Variants in AKAP13 observed in about 807,000 individuals in gnomAD.
AKAP13 encodes A-kinase anchoring protein 13, also known as A-kinase anchor protein 13.
A neutral mutation model predicts 264.5 loss-of-function variants in AKAP13; 80 were observed. That is an observed-to-expected ratio of 0.30 (90% confidence interval 0.25 to 0.36). The LOEUF (loss-of-function observed/expected upper bound fraction) is 0.36, where lower values mean the gene tolerates loss of function less well. Among genes scored for constraint, AKAP13 ranks in the 10% least tolerant of loss-of-function variants. The pLI is 1.00. For missense variants in AKAP13, 3,712 were observed against 3,435.2 expected, an observed-to-expected ratio of 1.08 and a Z score of -2.01; for synonymous variants, 1,380 against 1,250.2, an observed-to-expected ratio of 1.10 and a Z score of -2.19.
chr15:85,662,309 G>C, intron 12 of AKAP13: 1 of 1,487,278 alleles, frequency 6.7e-7, no homozygotes, highest in Non-Finnish European at 9.4e-7. Flanking sequence ...TATGCCCTTC[G>C]TTTTTAAACC....
chr15:85,562,574 AATAT>A (rs1224541443), intron 5 of AKAP13, among the ~76,000 whole-genome samples: 72 of 77,610 alleles, frequency 9.3e-4, no homozygotes, highest in Middle Eastern at 8.1e-3. Flanking sequence ...CAAAAAAAAA[AATAT>A]ATATATATAT....
chr15:85,580,008 G>T lies in AKAP13; in HGVS notation c.1940G>T (p.Gly647Val). The change falls in exon 7 of 37, where the codon GGC becomes GTC. Residue 647 changes from glycine to valine, a missense_variant. Transcript: ENST00000394518. Reference sequence around the variant, plus strand: ...TCATCTCATGCTCAAAGCCAAAAGGGCAAATCCTCACCCATTTGTTCTACA... The same window carrying T: ...TCATCTCATGCTCAAAGCCAAAAGGTCAAATCCTCACCCATTTGTTCTACA... ...TNSSHAQSQK[G>V]KSSPICSTTG... 2 of 1,614,148 alleles carry T rather than the reference G, an allele frequency of 1.2e-6. No individual in the cohort carries two copies. Among genetic ancestry groups the T allele is most frequent in the Non-Finnish European group, 1.7e-6 (2 of 1,180,006 alleles).
At chr15:85,521,670 G>A in intron 3 of AKAP13, 95 bp downstream of exon 3, 3 of 1,350,974 alleles carry the variant, frequency 2.2e-6, no homozygotes, top group Non-Finnish European at 3.0e-6. Flanking sequence ...AGAGTGAAGT[G>A]TAGACAGTAT....
intron 13 of AKAP13, among the ~76,000 whole-genome samples, chr15:85,666,675 A>G (rs1438695810): frequency 1.3e-5 from 2 of 152,068 alleles, no homozygotes; most frequent in African/African-American, 2.4e-5. Flanking sequence ...CAGTCTCCCA[A>G]AGTGCTGGCA....
chr15:85,617,614 G>A (rs151003392), intron 8 of AKAP13, among the ~76,000 whole-genome samples: 1 of 152,214 alleles, frequency 6.6e-6, no homozygotes, highest in African/African-American at 2.4e-5. Flanking sequence ...CTTGGAAGCA[G>A]GAATCATTTG....
chr15:85,561,066 T>C (rs896271294), intron 5 of AKAP13, among the ~76,000 whole-genome samples: 1 of 150,828 alleles, frequency 6.6e-6, no homozygotes, highest in Non-Finnish European at 1.5e-5. Context: ...TTTTTTTTTT[T>C]TTTTTTTTTT....
At chr15:85,434,056 T>A (rs1167031412) in intron 1 of AKAP13, among the ~76,000 whole-genome samples, 3 of 150,676 alleles carry the variant, frequency 2.0e-5, no homozygotes, top group Non-Finnish European at 3.0e-5. Flanking sequence ...CATTTCCATC[T>A]GAGGTACCAG....
chr15:85,721,943 A>T (rs746392895), intron 23 of AKAP13, 48 bp from the exon 24 acceptor site: 1 of 1,607,614 alleles, frequency 6.2e-7, no homozygotes, highest in Non-Finnish European at 8.5e-7. Context: ...AAATGGTATT[A>T]TGAGTTTGGC....
chr15:85,675,686 T>C (rs2084188296), intron 14 of AKAP13, among the ~76,000 whole-genome samples: 1 of 152,104 alleles, frequency 6.6e-6, no homozygotes, highest in African/African-American at 2.4e-5. Flanking sequence ...CTGACAGACC[T>C]AAGGGGTCAG....
chr15:85,650,791 C>CA (rs1191739643), intron 10 of AKAP13, among the ~76,000 whole-genome samples: 10 of 65,158 alleles, frequency 1.5e-4, no homozygotes, highest in Non-Finnish European at 2.1e-4. Flanking sequence ...AAAAAAAAAA[C>CA]AACAAAAACT....
chr15:85,543,735 T>C (rs1160871919), intron 4 of AKAP13, 37 bp from the exon 5 acceptor site: 1 of 1,559,506 alleles, frequency 6.4e-7, no homozygotes, highest in East Asian at 2.3e-5. Context: ...GTTTTTATAT[T>C]TTCCTCACTT....
At chr15:85,435,156 G>A (rs1364467114) in intron 1 of AKAP13, among the ~76,000 whole-genome samples, 2 of 141,722 alleles carry the variant, frequency 1.4e-5, no homozygotes, top group Middle Eastern at 3.6e-3. Flanking sequence ...ACCAAGGCTC[G>A]AGAACTACGT....
chr15:85,480,863 T>A (rs2075331010), intron 1 of AKAP13: 1 of 152,154 alleles, frequency 6.6e-6, no homozygotes, highest in Non-Finnish European at 1.5e-5. Context: ...AATTTTTGTA[T>A]TTTTTGTAGG....
intron 1 of AKAP13, among the ~76,000 whole-genome samples, chr15:85,481,266 T>C (rs997783780): frequency 2.0e-5 from 3 of 152,200 alleles, no homozygotes; most frequent in Non-Finnish European, 4.4e-5. Context: ...TTGTAAACTT[T>C]GCACACCCAG....
rs1203229108 is a variant in AKAP13 at position 85,708,480 on chromosome 15, G to C, written c.5532+394G>C. On this transcript the variant is annotated intron_variant, in intron 18 of 36. Transcript: ENST00000394518. The surrounding 1 kb of genome is among the most constrained non-coding windows in gnomAD (Gnocchi z 4.3). ...AGGTGGAGGTCAGGGGCATTGACCTGCTGGTGGGGGTGGGGAGGGTGTTAT... is the reference window on the plus strand; with the variant it reads ...AGGTGGAGGTCAGGGGCATTGACCTCCTGGTGGGGGTGGGGAGGGTGTTAT... 6.6e-6 allele frequency among the ~76,000 whole-genome samples: 1 copy of C among 152,152 alleles called. No homozygotes were observed. Among genetic ancestry groups the C allele is most frequent in the Non-Finnish European group, 1.5e-5 (1 of 68,040 alleles).
Position 85,579,230 on chromosome 15 carries a change from A to T in AKAP13, c.1162A>T (p.Ile388Phe), listed in dbSNP as rs767973733. Residue 388 changes from isoleucine to phenylalanine, a missense_variant, in exon 7 of 37, where the codon ATT becomes TTT. Ile to Phe is a conservative substitution (Grantham distance 21). Coordinates refer to ENST00000394518, the MANE Select transcript of AKAP13 (RefSeq NM_007200.5). ...RKGEEVEPAPIVDSGTVSDQD... is the reference protein window; with the variant it reads ...RKGEEVEPAPFVDSGTVSDQD... ...AGGGGAAGAGGTGGAGCCAGCACCTATTGTGGACTCTGGAACTGTATCTGA... is the reference window on the plus strand; with the variant it reads ...AGGGGAAGAGGTGGAGCCAGCACCTTTTGTGGACTCTGGAACTGTATCTGA... 1 of 1,614,216 alleles carries T rather than the reference A, an allele frequency of 6.2e-7. No individual in the cohort carries two copies. The highest frequency in any genetic ancestry group is 1.1e-5 in the South Asian group (1 of 91,088).
At chr15:85,629,121 C>A (rs1013046226) in intron 8 of AKAP13, among the ~76,000 whole-genome samples, 1 of 152,014 alleles carries the variant, frequency 6.6e-6, no homozygotes, top group African/African-American at 2.4e-5. Flanking sequence ...TGCTTGAGCC[C>A]AGGAGTTTGA....
At chr15:85,699,572 G>C (rs2085787566) in intron 17 of AKAP13, among the ~76,000 whole-genome samples, 1 of 152,202 alleles carries the variant, frequency 6.6e-6, no homozygotes. Flanking sequence ...CTTTTAGATT[G>C]TTTGAATTTT....
intron 30 of AKAP13, among the ~76,000 whole-genome samples, chr15:85,731,649 C>T (rs1370826162): frequency 1.3e-5 from 2 of 151,952 alleles, no homozygotes; most frequent in Non-Finnish European, 1.5e-5. Context: ...CTAGTTGTCT[C>T]TTTTTTTGTG....
Sources: gnomAD v4.1 joint callset for allele counts (sites outside exome capture counted in the v4.1 genomes callset) on GRCh38, gnomAD v4.1.1 for gene constraint, Gnocchi (gnomAD v3.1) non-coding constraint, MANE v1.5 for transcripts, NCBI Gene and HGNC (gene_info 2026-07-23, HGNC 2026-07-21) for gene names.